The following CADPS variants were observed in gnomAD, a reference collection of about 807,000 sequenced individuals.
CADPS encodes calcium dependent secretion activator, also known as calcium-dependent secretion activator 1.
A neutral mutation model predicts 167.3 loss-of-function variants in CADPS; 57 were observed. That is an observed-to-expected ratio of 0.34 (90% confidence interval 0.28 to 0.42). The LOEUF (loss-of-function observed/expected upper bound fraction) is 0.42. CADPS is among the 20% of genes least tolerant of loss of function. The probability of loss-of-function intolerance (pLI) is 1.00; values close to 1 mark genes in which losing one functional copy is unlikely to be tolerated. For missense variants in CADPS, 1,414 were observed against 1,738.1 expected (o/e 0.81, Z 3.32); for synonymous variants, 676 against 635.3 (o/e 1.06, Z -0.96).
chr3:62,830,071 G>A (rs2074797957), intron 1 of CADPS, among the ~76,000 whole-genome samples: 1 of 152,160 alleles, frequency 6.6e-6, no homozygotes, highest in African/African-American at 2.4e-5. Flanking sequence ...CACTGCCCAT[G>A]CCATCCTGTG....
Position 62,499,110 on chromosome 3 carries a change from T to C in CADPS, c.2706+52A>G, listed in dbSNP as rs2151274326. ...ACAATCTGGCTGGGAAAATCAGCTC[T>C]GCAAGCTCAGCTAAGGGACAGTAAG... On this transcript the variant is annotated intron_variant, in intron 18 of 29. Transcript: ENST00000383710. 3 of 1,147,892 alleles carry C rather than the reference T, an allele frequency of 2.6e-6. No homozygotes were observed. The South Asian group carries it at 4.0e-5, about 15-fold the overall frequency. 71.1% of individuals were successfully genotyped at this position (1,147,892 alleles called of 1,614,324 possible).
intron 1 of CADPS, among the ~76,000 whole-genome samples, chr3:62,793,988 C>T (rs1201082600): frequency 6.6e-6 from 1 of 152,146 alleles, no homozygotes; most frequent in African/African-American, 2.4e-5. Flanking sequence ...GCTTCCAACT[C>T]AATTATCCCT....
chr3:62,604,273 AT>A (rs2060383704), intron 6 of CADPS, among the ~76,000 whole-genome samples: 1 of 152,120 alleles, frequency 6.6e-6, no homozygotes, highest in Non-Finnish European at 1.5e-5. Flanking sequence ...GATTCTCTGG[AT>A]CTGCCTGCCT....
At chr3:62,426,141 G>C (rs1363223804) in intron 28 of CADPS, among the ~76,000 whole-genome samples, 6 of 151,952 alleles carry the variant, frequency 3.9e-5, no homozygotes, top group African/African-American at 1.4e-4. Flanking sequence ...GGTGTGGGGT[G>C]TGTGTTGTTT....
At chr3:62,537,652 G>C (rs2074956349) in intron 11 of CADPS, among the ~76,000 whole-genome samples, 1 of 152,054 alleles carries the variant, frequency 6.6e-6, no homozygotes, top group African/African-American at 2.4e-5. Flanking sequence ...TAGCGATGCT[G>C]TCAGGACACG....
At chr3:62,628,601 C>T (rs890225264) in intron 6 of CADPS, among the ~76,000 whole-genome samples, 1 of 148,772 alleles carries the variant, frequency 6.7e-6, no homozygotes, top group African/African-American at 2.5e-5. Flanking sequence ...CACACACTCT[C>T]TCTCTCTCCA....
intron 27 of CADPS, among the ~76,000 whole-genome samples, chr3:62,445,402 G>A (rs2057033742): frequency 1.3e-5 from 2 of 152,080 alleles, no homozygotes; most frequent in Admixed American, 6.6e-5. Flanking sequence ...TCACCCTTGT[G>A]CAAGTTTCTA....
At chr3:62,702,153 T>C (rs2081516932) in intron 3 of CADPS, among the ~76,000 whole-genome samples, 1 of 152,128 alleles carries the variant, frequency 6.6e-6, no homozygotes, top group Non-Finnish European at 1.5e-5. Flanking sequence ...CTCAAAATCA[T>C]CTTTGGAGAA....
intron 13 of CADPS, among the ~76,000 whole-genome samples, chr3:62,520,841 T>C (rs1311359277): frequency 1.3e-5 from 2 of 152,238 alleles, no homozygotes; most frequent in Non-Finnish European, 2.9e-5. Context: ...GATCCCTTTT[T>C]TGTTTGATTT....
In CADPS at chr3:62,874,627, C is replaced by T; in HGVS notation, c.403G>A (p.Ala135Thr). Residue 135 changes from alanine to threonine, a missense_variant, in exon 1 of 30, where the codon GCC becomes ACC. Around this residue, in one of 6 missense-constraint regions of CADPS, gnomAD observed 522 missense variants for 559.5 expected, o/e 0.93. Transcript: ENST00000383710. This position sits in a 1 kb window ranked among gnomAD's most constrained non-coding sequence, Gnocchi z 7.1. ...CGAGCCATGTCGGTGGGCTGCTTGGCATTAAAGGGGTAGGCGATGCAGCGC... is the reference window on the plus strand; with the variant it reads ...CGAGCCATGTCGGTGGGCTGCTTGGTATTAAAGGGGTAGGCGATGCAGCGC... Reference protein sequence around the residue: ...VMRCIAYPFNAKQPTDMARRQ... With the variant: ...VMRCIAYPFNTKQPTDMARRQ... The T allele has an allele frequency of 6.4e-7, 1 of 1,560,402 alleles. No individual in the cohort carries two copies.
chr3:62,824,272 A>G (rs2073618247), intron 1 of CADPS, among the ~76,000 whole-genome samples: 1 of 152,194 alleles, frequency 6.6e-6, no homozygotes, highest in African/African-American at 2.4e-5. Context: ...AGAGTTAGTG[A>G]TGTTTGTTTG....
chr3:62,524,038 A>G (rs577648814), intron 13 of CADPS, among the ~76,000 whole-genome samples: 105 of 152,354 alleles, frequency 6.9e-4, no homozygotes, highest in Admixed American at 3.1e-3. Context: ...AGTGCTCCCT[A>G]AATAGGACAT....
At chr3:62,863,416 A>G (rs1273298876) in intron 1 of CADPS, among the ~76,000 whole-genome samples, 4 of 152,200 alleles carry the variant, frequency 2.6e-5, no homozygotes, top group Non-Finnish European at 5.9e-5. Flanking sequence ...AACAGTGACT[A>G]CACAGGGTAA....
chr3:62,616,562 C>T (rs1286146630), intron 6 of CADPS, among the ~76,000 whole-genome samples: 1 of 152,132 alleles, frequency 6.6e-6, no homozygotes, highest in Non-Finnish European at 1.5e-5. Context: ...TGTCCAGGGA[C>T]CCCGGCTGGG....
rs953518921 is a variant in CADPS, at chr3:62,602,212, G to A, written c.1326-9464C>T. Among the ~76,000 whole-genome samples, 9 of 146,930 alleles carry A rather than the reference G, an allele frequency of 6.1e-5. No individual in the cohort carries two copies. Among genetic ancestry groups the A allele is most frequent in the South Asian group, 4.4e-4 (2 of 4,508 alleles). On this transcript the variant is annotated intron_variant, in intron 6 of 29. Transcript: ENST00000383710. This position sits in a 1 kb window ranked among gnomAD's most constrained non-coding sequence, Gnocchi z 4.4. ...GTGAGTAAGCCAAGAACACATCTAC[G>A]TTAGGCAAATAAGGACCCTTGGAGA...
intron 24 of CADPS, chr3:62,469,701 G>T: frequency 5.6e-6 from 1 of 179,170 alleles, no homozygotes. Context: ...GTAGAAACAG[G>T]GTTTCACCAC....
chr3:62,688,521 G>A (rs142182516), intron 3 of CADPS, among the ~76,000 whole-genome samples: 1 of 152,162 alleles, frequency 6.6e-6, no homozygotes, highest in East Asian at 1.9e-4. Context: ...GGAAGGTGGA[G>A]GAAGACTCAG....
intron 28 of CADPS, among the ~76,000 whole-genome samples, chr3:62,422,319 T>C (rs1450785224): frequency 6.6e-6 from 1 of 152,186 alleles, no homozygotes; most frequent in Non-Finnish European, 1.5e-5. Context: ...CAGACATATT[T>C]TGAATAAACA....
At chr3:62,440,968 G>A (rs1427844517) in intron 27 of CADPS, 1 of 152,220 alleles carries the variant, frequency 6.6e-6, no homozygotes, top group Non-Finnish European at 1.5e-5. Flanking sequence ...CTGAGTCATT[G>A]AGAAAAGATT....
Sources: gnomAD v4.1 joint callset for allele counts (sites outside exome capture counted in the v4.1 genomes callset) on GRCh38, gnomAD v4.1.1 for gene constraint, gnomAD v4.1.1 regional missense constraint, Gnocchi (gnomAD v3.1) non-coding constraint, MANE v1.5 for transcripts, NCBI Gene and HGNC (gene_info 2026-07-23, HGNC 2026-07-21) for gene names.